The following TFEC variants were observed in gnomAD, a reference collection of about 807,000 sequenced individuals.
The protein encoded by TFEC is class E basic helix-loop-helix protein 34.
In TFEC, 31 loss-of-function variants were observed where a neutral mutation model predicts 41.6. That is an observed-to-expected ratio of 0.74 (90% CI 0.56 to 1.01). TFEC has a LOEUF of 1.01. TFEC is among the 50% of genes least tolerant of loss of function. The probability of loss-of-function intolerance (pLI) is 0.00; values close to 1 mark genes in which losing one functional copy is unlikely to be tolerated. For synonymous variants in TFEC, 143 were observed against 140.6 expected, an observed-to-expected ratio of 1.02 and a Z score of -0.12; for missense variants, 402 against 404.1, an observed-to-expected ratio of 0.99 and a Z score of 0.04.
chr7:116,084,976 G>A (rs1413933154), intron 3 of TFEC, among the ~76,000 whole-genome samples: 4 of 151,862 alleles, frequency 2.6e-5, no homozygotes, highest in African/African-American at 9.7e-5. Context: ...GGAGATGTCA[G>A]AAGACCAACA....
chr7:116,012,555 T>A (rs1463348538), intron 1 of TFEC, among the ~76,000 whole-genome samples: 1 of 152,130 alleles, frequency 6.6e-6, no homozygotes, highest in Non-Finnish European at 1.5e-5. Flanking sequence ...ATCTACATGC[T>A]GTAAAATAGA....
chr7:115,965,863 T>G (rs1294037013), intron 3 of TFEC, among the ~76,000 whole-genome samples: 1 of 151,694 alleles, frequency 6.6e-6, no homozygotes, highest in African/African-American at 2.4e-5. Context: ...TTTTGGCCTC[T>G]TCCCTCTTCA....
intron 3 of TFEC, among the ~76,000 whole-genome samples, chr7:116,068,046 G>A (rs1246508685): frequency 2.0e-5 from 3 of 151,456 alleles, no homozygotes; most frequent in African/African-American, 4.9e-5. Flanking sequence ...TAAAAATATC[G>A]ACCATTTGGG....
chr7:115,974,055 TA>T, intron 3 of TFEC, 114 bp downstream of exon 3: 2 of 769,314 alleles, frequency 2.6e-6, no homozygotes, highest in Non-Finnish European at 4.1e-6. Flanking sequence ...ATTCATCTTT[TA>T]TCTTGTCTGT....
At chr7:115,976,729 T>A (rs969424195) in intron 2 of TFEC, among the ~76,000 whole-genome samples, 1 of 152,190 alleles carries the variant, frequency 6.6e-6, no homozygotes, top group Non-Finnish European at 1.5e-5. Context: ...ACTGAACAGA[T>A]GTGAAGAAGA....
chr7:115,956,722 A>C lies in TFEC; in HGVS notation c.339T>G (p.Ser113Arg), dbSNP rs761333964. Residue 113 changes from serine (S) to arginine (R), a missense_variant, in exon 4 of 8, where the codon AGT (serine) becomes AGG (arginine). Transcript: ENST00000265440. ...TTGGTAGACTACTTGGACAAGAAGC[A>C]CTTGTAAGCCCCATGTTAATTGGTG... Reference protein sequence around the residue: ...GISPINMGLTSASCPSSLPMK... With the variant: ...GISPINMGLTRASCPSSLPMK... 6.2e-7 allele frequency: 1 copy of C among 1,610,614 alleles called. No individual in the cohort carries two copies. The highest frequency in any genetic ancestry group is 1.1e-5 in the South Asian group (1 of 90,814).
rs554902741 is a variant in TFEC, at chr7:116,093,160, C to T, written c.198+17548G>A. ...GTAGTAGACTTGGGCCTTGTCCTCA[C>T]GGGAAAATCTCTAGTAAGAAGACGT... On this transcript the variant is annotated intron_variant, in intron 3 of 8. Transcript: ENST00000484212. Among the ~76,000 whole-genome samples the T allele has an allele frequency of 1.2e-4, 18 of 152,092 alleles. No individual in the cohort carries two copies. The East Asian group carries it at 1.4e-3, about 11-fold the overall frequency.
chr7:116,073,259 C>T (rs1426554558), intron 3 of TFEC, among the ~76,000 whole-genome samples: 2 of 151,218 alleles, frequency 1.3e-5, no homozygotes, highest in African/African-American at 2.4e-5. Flanking sequence ...AATAAAATAC[C>T]TGGAAATAAA....
chr7:116,135,808 TATAG>T (rs1798421520), intron 1 of TFEC, among the ~76,000 whole-genome samples: 1 of 152,108 alleles, frequency 6.6e-6, no homozygotes, highest in Non-Finnish European at 1.5e-5. Context: ...GATGAGGGCT[TATAG>T]ATATAGTATG....
At chr7:116,077,824 T>C (rs1399652361) in intron 3 of TFEC, among the ~76,000 whole-genome samples, 1 of 152,042 alleles carries the variant, frequency 6.6e-6, no homozygotes, top group Non-Finnish European at 1.5e-5. Context: ...AACACTATTA[T>C]AGTGGGGGAC....
intron 3 of TFEC, among the ~76,000 whole-genome samples, chr7:116,040,393 T>C (rs1478637538): frequency 6.6e-5 from 10 of 152,186 alleles, no homozygotes; most frequent in Admixed American, 1.3e-4. Flanking sequence ...ACAAGTTTTT[T>C]ATCTCATAAA....
At chr7:116,007,147 T>G (rs1339563241) in intron 1 of TFEC, among the ~76,000 whole-genome samples, 1 of 152,212 alleles carries the variant, frequency 6.6e-6, no homozygotes, top group Non-Finnish European at 1.5e-5. Flanking sequence ...TTTCTATCTT[T>G]TTTTTAGACA....
At chr7:116,104,129 G>A (rs938479887) in intron 3 of TFEC, among the ~76,000 whole-genome samples, 12 of 152,248 alleles carry the variant, frequency 7.9e-5, no homozygotes, top group African/African-American at 2.4e-4. Context: ...ATTATCCGAA[G>A]GTTGTCTGAT....
upstream of TFEC, among the ~76,000 whole-genome samples, chr7:116,033,857 C>A (rs769352476): frequency 1.1e-4 from 17 of 152,110 alleles, no homozygotes; most frequent in Admixed American, 4.6e-4. Flanking sequence ...TTCTTTGTGC[C>A]CTTTTTGAAA....
intron 3 of TFEC, among the ~76,000 whole-genome samples, chr7:115,964,168 AAT>A (rs1378642912): frequency 6.6e-6 from 1 of 151,658 alleles, no homozygotes; most frequent in Non-Finnish European, 1.5e-5. Context: ...TTTCTAGAAA[AAT>A]ATTACTTAGT....
rs567810482 is a variant in TFEC, at chr7:116,069,037, C to T, written c.198+41671G>A. ...TTGTCAAATTTAGGGTTTATAAACTCTACATTTCTTCATACTTTGATTTTC... is the reference window on the plus strand; with the variant it reads ...TTGTCAAATTTAGGGTTTATAAACTTTACATTTCTTCATACTTTGATTTTC... On this transcript the variant is annotated intron_variant, in intron 3 of 8. Transcript: ENST00000484212. 7.9e-3 allele frequency among the ~76,000 whole-genome samples: 1,188 copies of T among 151,244 alleles called. 11 individuals carry two copies. Among genetic ancestry groups the T allele is most frequent in the African/African-American group, 0.027 (1,113 of 41,016 alleles).
intron 1 of TFEC, among the ~76,000 whole-genome samples, chr7:116,141,615 A>G (rs1232305718): frequency 6.6e-6 from 1 of 152,174 alleles, no homozygotes; most frequent in African/African-American, 2.4e-5. Flanking sequence ...TCCAAAGACC[A>G]CTGGAAGCAC....
intron 1 of TFEC, among the ~76,000 whole-genome samples, chr7:116,124,897 T>C (rs1798178974): frequency 2.6e-5 from 4 of 152,164 alleles, no homozygotes. Context: ...AGAATGCAAA[T>C]GGCCTGCATT....
At chr7:116,017,982 G>T (rs13243337) in intron 1 of TFEC, among the ~76,000 whole-genome samples, 1 of 33,044 alleles carries the variant, frequency 3.0e-5, no homozygotes, top group African/African-American at 7.9e-5. Flanking sequence ...TCCAGTGTTG[G>T]GCAAATATTA....
Sources: allele counts gnomAD v4.1 joint callset (sites outside exome capture counted in the v4.1 genomes callset), GRCh38; gene constraint gnomAD v4.1.1; transcripts MANE v1.5; gene names NCBI Gene and HGNC (gene_info 2026-07-23, HGNC 2026-07-21).